PPM1L: variants seen among roughly 807,000 people sequenced by gnomAD.
PPM1L encodes the protein protein phosphatase 1L.
Under a neutral mutation model 31.4 loss-of-function variants are expected in PPM1L, and 13 were observed. The observed-to-expected ratio is 0.41, with a 90% CI of 0.27 to 0.66. The LOEUF (loss-of-function observed/expected upper bound fraction) is 0.66. Ranked by LOEUF, PPM1L falls within the 30% of genes least tolerant of loss-of-function variation. The probability of loss-of-function intolerance (pLI) is 0.29; values close to 1 mark genes in which losing one functional copy is unlikely to be tolerated. For synonymous variants in PPM1L, 184 were observed against 175.4 expected, an observed-to-expected ratio of 1.05 and a Z score of -0.39; for missense variants, 326 against 453.7, an observed-to-expected ratio of 0.72 and a Z score of 2.56.
At chr3:161,066,167 T>C (rs1302769875) in intron 3 of PPM1L, among the ~76,000 whole-genome samples, 1 of 152,232 alleles carries the variant, frequency 6.6e-6, no homozygotes, top group Non-Finnish European at 1.5e-5. Flanking sequence ...CTTGGTTTTG[T>C]TCATCTCTAT....
intron 2 of PPM1L, among the ~76,000 whole-genome samples, chr3:161,010,966 T>C (rs1458761590): frequency 6.6e-6 from 1 of 152,234 alleles, no homozygotes; most frequent in Non-Finnish European, 1.5e-5. Flanking sequence ...TTCTGTAGGT[T>C]GCCTGTTCAC....
At position 160,944,812 on chromosome 3, in the gene PPM1L, A is replaced by ATATATATGTTATATAACATATAT. The variant is rs1559896925; in HGVS notation, c.400-16909_400-16908insACATATATTATATATGTTATATA. Among the ~76,000 whole-genome samples, 30 of 18,014 alleles carry ATATATATGTTATATAACATATAT rather than the reference A, an allele frequency of 1.7e-3. 11 individuals are homozygous for ATATATATGTTATATAACATATAT. Among genetic ancestry groups the ATATATATGTTATATAACATATAT allele is most frequent in the Non-Finnish European group, 3.8e-3 (23 of 6,118 alleles). The allele number at this position is 18,014 out of a possible 152,430, so 11.8% of individuals were successfully genotyped here. A position where few individuals can be genotyped will look rare whatever the true frequency, so the allele number is the denominator to read the frequency against. On this transcript the variant is annotated intron_variant, in intron 1 of 3. Transcript: ENST00000498165. ...ATATGTTATATATAACATATATAAC[A>ATATATATGTTATATAACATATAT]TATATATGTTATATATAACATATAT...
At chr3:160,938,180 T>C (rs1200566241) in intron 1 of PPM1L, among the ~76,000 whole-genome samples, 2 of 152,212 alleles carry the variant, frequency 1.3e-5, no homozygotes, top group East Asian at 3.8e-4. Flanking sequence ...TAAATAGATT[T>C]GTTCATTGTC....
chr3:160,935,368 A>T (rs1298654306), intron 1 of PPM1L, among the ~76,000 whole-genome samples: 2 of 152,196 alleles, frequency 1.3e-5, no homozygotes, highest in Non-Finnish European at 2.9e-5. Context: ...CAGTCAGGGT[A>T]ACCTTTCTGG....
chr3:160,831,215 A>G (rs1410993637), intron 1 of PPM1L, among the ~76,000 whole-genome samples: 1 of 152,220 alleles, frequency 6.6e-6, no homozygotes, highest in Non-Finnish European at 1.5e-5. Flanking sequence ...TGAAGAAATG[A>G]TAAATGTTTG....
chr3:160,825,578 G>A (rs961263091), intron 1 of PPM1L, among the ~76,000 whole-genome samples: 5 of 152,166 alleles, frequency 3.3e-5, no homozygotes, highest in Admixed American at 6.6e-5. Flanking sequence ...CAGATGTTAA[G>A]TAACTTTTCC....
chr3:160,794,272 C>T (rs1560108673), intron 1 of PPM1L, among the ~76,000 whole-genome samples: 1 of 151,978 alleles, frequency 6.6e-6, no homozygotes, highest in Non-Finnish European at 1.5e-5. Context: ...ACTTGTCGAC[C>T]TACTTAAAGA....
At chr3:160,850,864 T>A (rs1043117591) in intron 1 of PPM1L, among the ~76,000 whole-genome samples, 4 of 146,888 alleles carry the variant, frequency 2.7e-5, no homozygotes, top group Non-Finnish European at 6.0e-5. Context: ...AGGATATTGC[T>A]TCTTACTCTT....
intron 1 of PPM1L, among the ~76,000 whole-genome samples, chr3:160,952,005 G>C (rs1715588919): frequency 6.6e-6 from 1 of 152,156 alleles, no homozygotes; most frequent in South Asian, 2.1e-4. Context: ...TCTCTTGAAG[G>C]AATCACATTT....
rs540054052 is a variant in PPM1L, at chr3:160,849,393, CTCTT to C, written c.399+92712_399+92715del. ...CTGGCATGGCCAGGAGACCTGCATTCTCTTTCTTTCTTTCTTTCTTTCTTTCTTT... is the reference window on the plus strand; with the variant it reads ...CTGGCATGGCCAGGAGACCTGCATTCTCTTTCTTTCTTTCTTTCTTTCTTT... On this transcript the variant is annotated intron_variant, in intron 1 of 3. Transcript: ENST00000498165. Among the ~76,000 whole-genome samples, 959 of 151,334 alleles carry C rather than the reference CTCTT, an allele frequency of 6.3e-3. 3 individuals are homozygous for C. Among genetic ancestry groups the C allele is most frequent in the African/African-American group, 0.02 (803 of 40,988 alleles).
chr3:161,046,994 G>T (rs149718886), intron 2 of PPM1L, among the ~76,000 whole-genome samples: 126 of 152,250 alleles, frequency 8.3e-4, no homozygotes, highest in Non-Finnish European at 1.7e-3. Context: ...TACTGAATGG[G>T]CAAAATCTGG....
intron 2 of PPM1L, among the ~76,000 whole-genome samples, chr3:160,968,017 T>G (rs1022329605): frequency 1.3e-5 from 2 of 152,032 alleles, no homozygotes; most frequent in African/African-American, 4.8e-5. Context: ...TTCTTTCTCC[T>G]TACACAGCCA....
intron 1 of PPM1L, among the ~76,000 whole-genome samples, chr3:160,885,275 A>G (rs561779693): frequency 5.3e-5 from 8 of 152,204 alleles, no homozygotes; most frequent in Admixed American, 2.0e-4. Context: ...GAAGAAAAAT[A>G]TAAATAGATT....
At chr3:160,992,585 A>G (rs1040125536) in intron 2 of PPM1L, among the ~76,000 whole-genome samples, 9 of 152,238 alleles carry the variant, frequency 5.9e-5, no homozygotes, top group African/African-American at 2.2e-4. Flanking sequence ...AAATGATGTC[A>G]AAAGCCTTTC....
intron 2 of PPM1L, among the ~76,000 whole-genome samples, chr3:160,982,221 T>G (rs1716822941): frequency 6.6e-6 from 1 of 152,224 alleles, no homozygotes; most frequent in South Asian, 2.1e-4. Flanking sequence ...TCAATGCCTT[T>G]GATGTATCAG....
At chr3:161,065,273 G>T in intron 2 of PPM1L, 130 bp from the exon 3 acceptor site, 1 of 776,928 alleles carries the variant, frequency 1.3e-6, no homozygotes. Context: ...ATCATTCTCA[G>T]AGTGGCTGGA....
chr3:160,944,881 T>TATATATGTTATATATAAC lies in PPM1L; in HGVS notation c.400-16849_400-16848insGTTATATATAACATATAT, dbSNP rs1454861482. Among the ~76,000 whole-genome samples the TATATATGTTATATATAAC allele has an allele frequency of 5.7e-5, 3 of 52,280 alleles. 1 individual carries two copies. Among genetic ancestry groups the TATATATGTTATATATAAC allele is most frequent in the Non-Finnish European group, 1.2e-4 (3 of 24,604 alleles). 34.3% of individuals were successfully genotyped at this position (52,280 alleles called of 152,430 possible). On this transcript the variant is annotated intron_variant, in intron 1 of 3. Coordinates refer to ENST00000498165, the MANE Select transcript of PPM1L (RefSeq NM_139245.4). ...ATTATATATAATGTTATATATAACATATATATTATATATAACTGATGTTAC... is the reference window on the plus strand; with the variant it reads ...ATTATATATAATGTTATATATAACATATATATGTTATATATAACATATATTATATATAACTGATGTTAC...
At position 160,944,856 on chromosome 3, in the gene PPM1L, A is replaced by ATATATG. The variant is rs1432181106; in HGVS notation, c.400-16879_400-16878insATATGT. Among the ~76,000 whole-genome samples, 4 of 45,900 alleles carry ATATATG rather than the reference A, an allele frequency of 8.7e-5. 2 individuals carry two copies. Among genetic ancestry groups the ATATATG allele is most frequent in the Non-Finnish European group, 2.2e-4 (4 of 18,368 alleles). 30.1% of individuals were successfully genotyped at this position (45,900 alleles called of 152,430 possible). On this transcript the variant is annotated intron_variant, in intron 1 of 3. Transcript: ENST00000498165. ...CATATATATGTTATATATAACATAT[A>ATATATG]TTATATATAATGTTATATATAACAT...
chr3:160,805,865 G>A (rs1712584664), intron 1 of PPM1L, among the ~76,000 whole-genome samples: 1 of 152,170 alleles, frequency 6.6e-6, no homozygotes. Context: ...GTTCTGCTCA[G>A]CATTTAAAAA....
Sources: allele counts gnomAD v4.1 joint callset (sites outside exome capture counted in the v4.1 genomes callset), GRCh38; gene constraint gnomAD v4.1.1; transcripts MANE v1.5; gene names NCBI Gene and HGNC (gene_info 2026-07-23, HGNC 2026-07-21).